The following PIEZO2 variants were observed in gnomAD, a reference collection of about 807,000 sequenced individuals.
The protein encoded by PIEZO2 is piezo-type mechanosensitive ion channel component 2.
PIEZO2 carries 172 observed loss-of-function variants against 337.3 expected under a neutral mutation model. That is an observed-to-expected ratio of 0.51 (90% CI 0.45 to 0.58). The LOEUF (loss-of-function observed/expected upper bound fraction) is 0.58. Ranked by LOEUF, PIEZO2 falls within the 20% of genes least tolerant of loss-of-function variation. PIEZO2 has a pLI of 0.00. For missense variants in PIEZO2, 3,028 were observed against 3,391.3 expected (o/e 0.89, Z 2.66); for synonymous variants, 1,251 against 1,228.5 (o/e 1.02, Z -0.38).
Position 10,770,202 on chromosome 18 carries a change from C to A in PIEZO2, c.2892G>T (p.Glu964Asp). 1 of 1,537,370 alleles carries A rather than the reference C, an allele frequency of 6.5e-7. No individual in the cohort carries two copies. Among genetic ancestry groups the A allele is most frequent in the Non-Finnish European group, 8.7e-7 (1 of 1,146,942 alleles). The stretch of plus-strand genomic sequence containing the variant: ...AGGAAACGATTTTGATGATGTGCAA[C>A]TCCAAAATCCACCACATGAACACCT... ...KLQVFMWWIL[E>D]LHIIKIVSSY... The change falls in exon 21 of 56, where the codon GAG becomes GAT. Residue 964 changes from glutamate to aspartate, a missense_variant. This residue lies in a region of PIEZO2 where 1,925 missense variants were observed against 2,051.9 expected (regional missense o/e 0.94). Transcript: ENST00000674853.
At position 10,824,744 on chromosome 18, in the gene PIEZO2, G is replaced by A. The variant is rs976598407; in HGVS notation, c.918-17470C>T. On this transcript the variant is annotated intron_variant, in intron 7 of 55. Coordinates refer to ENST00000674853, the MANE Select transcript of PIEZO2 (RefSeq NM_001378183.1). The surrounding 1 kb of genome is among the most constrained non-coding windows in gnomAD (Gnocchi z 4.4). ...AGAATTCTCTATACCCATTTTCCTC[G>A]ACTGTTAAATCTTACATTAGTATGA... 2.6e-5 allele frequency among the ~76,000 whole-genome samples: 4 copies of A among 151,846 alleles called. No homozygotes were observed. The highest frequency in any genetic ancestry group is 1.9e-4 in the East Asian group (1 of 5,170).
intron 2 of PIEZO2, among the ~76,000 whole-genome samples, chr18:11,045,404 G>C (rs1407075725): frequency 6.7e-6 from 1 of 150,168 alleles, no homozygotes; most frequent in Non-Finnish European, 1.5e-5. Context: ...CCTGAACAAA[G>C]CCAATGTAAC....
In PIEZO2 at chr18:10,979,779, G is replaced by A. The variant is rs2034595013; in HGVS notation, c.161-119C>T. The A allele has an allele frequency of 3.4e-6, 3 of 871,376 alleles. No individual in the cohort carries two copies. The highest frequency in any genetic ancestry group is 1.7e-5 in the African/African-American group (1 of 58,944). 54.0% of individuals were successfully genotyped at this position (871,376 alleles called of 1,614,324 possible). A position where few individuals can be genotyped will look rare whatever the true frequency, so the allele number is the denominator to read the frequency against. ...AGACCGACTCAAAAGTATATGGAAT[G>A]TAATAATTATCATCTTAATTATTAG... is the stretch of plus-strand genomic sequence containing the variant. On this transcript the variant is annotated intron_variant, in intron 2 of 55. Coordinates refer to ENST00000674853, the MANE Select transcript of PIEZO2 (RefSeq NM_001378183.1). This position sits in a 1 kb window ranked among gnomAD's most constrained non-coding sequence, Gnocchi z 4.0.
chr18:10,933,475 C>G (rs1047194894), intron 3 of PIEZO2, among the ~76,000 whole-genome samples: 20 of 152,018 alleles, frequency 1.3e-4, no homozygotes, highest in Non-Finnish European at 2.5e-4. Flanking sequence ...AATTATGTGT[C>G]CCTTAAGTAG....
chr18:10,796,604 T>A (rs2039607378), intron 12 of PIEZO2, among the ~76,000 whole-genome samples: 1 of 152,190 alleles, frequency 6.6e-6, no homozygotes, highest in South Asian at 2.1e-4. Context: ...AAAAGGAGGA[T>A]AAATAGAATT....
chr18:10,689,805 G>T lies in PIEZO2; in HGVS notation c.7350-3C>A, dbSNP rs147568081. ...TCAAAAAGGGCACGAGGCGAAACCT[G>T]GCAGGAAACACATCTCGTCAGAGAG... On this transcript the variant is annotated splice_region_variant and splice_polypyrimidine_tract_variant and intron_variant, in intron 48 of 55. Coordinates refer to ENST00000674853, the MANE Select transcript of PIEZO2 (RefSeq NM_001378183.1). 3.2e-4 allele frequency: 507 copies of T among 1,604,020 alleles called. 4 individuals carry two copies. The East Asian group carries it at 9.9e-3, about 31-fold the overall frequency.
At chr18:10,725,200 G>A (rs775969262) in intron 36 of PIEZO2, 16 of 1,555,796 alleles carry the variant, frequency 1.0e-5, no homozygotes, top group Non-Finnish European at 1.4e-5. Flanking sequence ...TGGCATCATT[G>A]AGGCTGTTCT....
Position 11,012,329 on chromosome 18 carries a change from A to T in PIEZO2, c.161-32669T>A, listed in dbSNP as rs375816547. ...ATATTTCCATAAACTAAAGGAATAC[A>T]TTTAAAATAAGAAACTGATAATCTA... is the stretch of plus-strand genomic sequence containing the variant. On this transcript the variant is annotated intron_variant, in intron 2 of 55. Coordinates refer to ENST00000674853, the MANE Select transcript of PIEZO2 (RefSeq NM_001378183.1). Among the ~76,000 whole-genome samples, 16 of 152,350 alleles carry T rather than the reference A, an allele frequency of 1.1e-4. No individual in the cohort carries two copies. The South Asian group carries it at 2.5e-3, about 24-fold the overall frequency.
rs950701664 is a variant in PIEZO2 at position 10,671,233 on chromosome 18, G to C, written c.*294C>G. On this transcript the variant is annotated 3_prime_UTR_variant, in exon 56 of 56. Transcript: ENST00000674853. ...CTCCTCTTCTGTTTCTCTTAGGGACGGGGCCCATAAATGATTCCTTCACAT... is the reference window on the plus strand; with the variant it reads ...CTCCTCTTCTGTTTCTCTTAGGGACCGGGCCCATAAATGATTCCTTCACAT... The C allele has an allele frequency of 7.2e-5, 18 of 250,788 alleles. No homozygotes were observed. Among genetic ancestry groups the C allele is most frequent in the Non-Finnish European group, 1.0e-4 (13 of 130,280 alleles). The allele number at this position is 250,788 out of a possible 1,614,324, so 15.5% of individuals were successfully genotyped here. A position where few individuals can be genotyped will look rare whatever the true frequency, so the allele number is the denominator to read the frequency against.
intron 44 of PIEZO2, 143 bp downstream of exon 44, chr18:10,698,782 T>C (rs1469755392): frequency 6.1e-5 from 70 of 1,139,108 alleles, no homozygotes; most frequent in Middle Eastern, 2.9e-4. Flanking sequence ...GTTTCTCTGA[T>C]TTCAAAGCCC....
In PIEZO2 at chr18:10,888,484, G is replaced by T. The variant is rs1463095613; in HGVS notation, c.330-17069C>A. ...TTTGTGCACCCTGGTATTCAGAGCT[G>T]GGCACTTGGAGTAGCATTGTTACGG... On this transcript the variant is annotated intron_variant, in intron 4 of 55. Transcript: ENST00000674853. This position sits in a 1 kb window ranked among gnomAD's most constrained non-coding sequence, Gnocchi z 4.1. Among the ~76,000 whole-genome samples the T allele has an allele frequency of 6.6e-6, 1 of 152,080 alleles. No individual in the cohort carries two copies. The highest frequency in any genetic ancestry group is 1.5e-5 in the Non-Finnish European group (1 of 68,016).
chr18:10,738,342 G>A (rs2037090297), intron 33 of PIEZO2: 1 of 152,112 alleles, frequency 6.6e-6, no homozygotes, highest in Non-Finnish European at 1.5e-5. Context: ...AGCTTAAATT[G>A]TATTCAATCA....
rs2041657545 is a variant in PIEZO2 at position 10,854,868 on chromosome 18, C to T, written c.917+485G>A. On this transcript the variant is annotated intron_variant, in intron 7 of 55. Coordinates refer to ENST00000674853, the MANE Select transcript of PIEZO2 (RefSeq NM_001378183.1). The surrounding 1 kb of genome is among the most constrained non-coding windows in gnomAD (Gnocchi z 4.6). ...AGCTGGGACCACAGGTGTGCGCCCT[C>T]ATGCCCAGCTAATTTTTTTTGTAGA... Among the ~76,000 whole-genome samples the T allele has an allele frequency of 1.3e-5, 2 of 152,212 alleles. No individual in the cohort carries two copies. The highest frequency in any genetic ancestry group is 4.8e-5 in the African/African-American group (2 of 41,454).
chr18:10,825,341 T>A (rs1023633282), intron 7 of PIEZO2, among the ~76,000 whole-genome samples: 3 of 152,092 alleles, frequency 2.0e-5, no homozygotes, highest in Non-Finnish European at 4.4e-5. Context: ...TTTTGCTTTG[T>A]TTGTTTTCTC....
intron 2 of PIEZO2, among the ~76,000 whole-genome samples, chr18:11,034,831 C>T (rs1395884313): frequency 6.6e-6 from 1 of 152,070 alleles, no homozygotes; most frequent in African/African-American, 2.4e-5. Context: ...GGCAACAGAG[C>T]GAGACTCCGT....
At chr18:10,987,802 G>A (rs1263284076) in intron 2 of PIEZO2, among the ~76,000 whole-genome samples, 1 of 152,000 alleles carries the variant, frequency 6.6e-6, no homozygotes, top group African/African-American at 2.4e-5. Context: ...TATCTGATAA[G>A]AGGTTAATAT....
At chr18:10,893,927 C>G (rs2042824137) in intron 4 of PIEZO2, among the ~76,000 whole-genome samples, 1 of 152,156 alleles carries the variant, frequency 6.6e-6, no homozygotes, top group South Asian at 2.1e-4. Context: ...GGTAGCTAGT[C>G]AGGCATGAGT....
intron 3 of PIEZO2, among the ~76,000 whole-genome samples, chr18:10,925,612 C>T (rs2031680750): frequency 6.6e-6 from 1 of 152,180 alleles, no homozygotes. Flanking sequence ...CGTAGTCTCC[C>T]TCTGTCCCCC....
intron 1 of PIEZO2, among the ~76,000 whole-genome samples, chr18:11,074,106 A>C (rs570542551): frequency 1.1e-4 from 16 of 152,270 alleles, no homozygotes; most frequent in African/African-American, 3.6e-4. Context: ...TCAGCCTCCC[A>C]AAGTGCTAGG....
Sources: allele counts gnomAD v4.1 joint callset (sites outside exome capture counted in the v4.1 genomes callset), GRCh38; gene constraint gnomAD v4.1.1; regional missense constraint gnomAD v4.1.1; non-coding constraint Gnocchi (gnomAD v3.1); transcripts MANE v1.5; gene names NCBI Gene and HGNC (gene_info 2026-07-23, HGNC 2026-07-21).